The following COL16A1 variants were observed in gnomAD, a reference collection of about 807,000 sequenced individuals.
The protein encoded by COL16A1 is collagen type XVI alpha 1 chain, also known as collagen alpha-1(XVI) chain.
A neutral mutation model predicts 266.3 loss-of-function variants in COL16A1; 189 were observed. The observed-to-expected ratio is 0.71, with a 90% CI of 0.63 to 0.80. The LOEUF is 0.80. Ranked by LOEUF, COL16A1 falls within the 30% of genes least tolerant of loss-of-function variation. COL16A1 has a pLI of 0.00. For missense variants in COL16A1, 1,928 were observed against 2,122.4 expected, an observed-to-expected ratio of 0.91 and a Z score of 1.80; for synonymous variants, 740 against 782.3, an observed-to-expected ratio of 0.95 and a Z score of 0.90.
In COL16A1 at chr1:31,698,179, A is replaced by T; in HGVS notation, c.391-7T>A. The T allele has an allele frequency of 6.2e-7, 1 of 1,613,300 alleles. No individual in the cohort carries two copies. Among genetic ancestry groups the T allele is most frequent in the Non-Finnish European group, 8.5e-7 (1 of 1,179,774 alleles). On this transcript the variant is annotated splice_polypyrimidine_tract_variant and splice_region_variant and intron_variant, in intron 5 of 70. Coordinates refer to ENST00000373672, the MANE Select transcript of COL16A1 (RefSeq NM_001856.4). The surrounding 1 kb of genome is among the most constrained non-coding windows in gnomAD (Gnocchi z 4.1). ...TGTTGACTTCCAGGGATATCTGGGTAGAATTTGGAAAGGGAAAGGACAGAG... is the reference window on the plus strand; with the variant it reads ...TGTTGACTTCCAGGGATATCTGGGTTGAATTTGGAAAGGGAAAGGACAGAG...
intron 44 of COL16A1, chr1:31,673,104 G>C: frequency 1.9e-6 from 1 of 535,924 alleles, no homozygotes; most frequent in South Asian, 1.9e-5. Flanking sequence ...ACAGGCATGT[G>C]GGTGGAGGCG....
At position 31,661,779 on chromosome 1, in the gene COL16A1, C is replaced by G. The variant is rs369491109; in HGVS notation, c.3682-75G>C. The G allele has an allele frequency of 1.5e-5, 22 of 1,466,076 alleles. No individual in the cohort carries two copies. The East Asian group carries it at 3.5e-4, about 23-fold the overall frequency. 90.8% of individuals were successfully genotyped at this position (1,466,076 alleles called of 1,614,324 possible). A position where few individuals can be genotyped will look rare whatever the true frequency, so the allele number is the denominator to read the frequency against. On this transcript the variant is annotated intron_variant, in intron 58 of 70. Transcript: ENST00000373672. The stretch of plus-strand genomic sequence containing the variant: ...ATCCAACTCATACCTCTGTCCTCCC[C>G]TCTCTCCAGCCCTCCCCAGCTATCC...
rs200486905 is a variant in COL16A1 at position 31,665,209 on chromosome 1, A to C, written c.3518T>G (p.Val1173Gly). 4 of 1,598,914 alleles carry C rather than the reference A, an allele frequency of 2.5e-6. No individual in the cohort carries two copies. The highest frequency in any genetic ancestry group is 3.4e-6 in the Non-Finnish European group (4 of 1,176,098). Residue 1173 changes from valine to glycine, a missense_variant, in exon 56 of 71, where the codon GTT becomes GGT. Val to Gly is a moderately radical substitution (Grantham distance 109, BLOSUM62 -3). Coordinates refer to ENST00000373672, the MANE Select transcript of COL16A1 (RefSeq NM_001856.4). ...AGGGCCAGGTGGGCCAGGTGATCCA[A>C]CTTTGCCTGGGAATCCAGGGGGACC... The part of the protein sequence containing the change: ...PPGPPGFPGK[V>G]GSPGPPGPQA...
intron 62 of COL16A1, chr1:31,659,945 C>T (rs1641498236): frequency 1.5e-5 from 2 of 136,386 alleles, no homozygotes; most frequent in South Asian, 2.5e-4. Flanking sequence ...TGATGGGGGC[C>T]TGAGAGTTCT....
At chr1:31,660,342 A>G (rs10914462) in intron 62 of COL16A1, among the ~76,000 whole-genome samples, 69,047 of 152,070 alleles carry the variant, frequency 0.45, 15,900 homozygotes, top group East Asian at 0.69. Context: ...CTGGCATGGC[A>G]CAGGGGCTCC....
At position 31,679,674 on chromosome 1, in the gene COL16A1, A is replaced by G. The variant is rs774334713; in HGVS notation, c.2730T>C (p.Gly910=). Residue 910 remains glycine, a synonymous_variant, in exon 42 of 71, where the codon GGT becomes GGC. Coordinates refer to ENST00000373672, the MANE Select transcript of COL16A1 (RefSeq NM_001856.4). ...CAGGGGGGCCTGGTGGTCCGGGAAT[A>G]CCTGGTGGACCCTGAGGGAGAGAGA... ...SWQPGPQGPP[G]IPGPPGPPGV... The G allele has an allele frequency of 4.0e-5, 64 of 1,613,946 alleles. No homozygotes were observed. The East Asian group carries it at 6.9e-4, about 17-fold the overall frequency.
chr1:31,672,296 C>A, intron 47 of COL16A1, 120 bp downstream of exon 47: 1 of 1,104,720 alleles, frequency 9.1e-7, no homozygotes. Context: ...GCCAGGAGAG[C>A]AGATGAGCCC....
intron 22 of COL16A1, 114 bp from the exon 23 acceptor site, chr1:31,689,965 C>T: frequency 1.2e-6 from 1 of 833,522 alleles, no homozygotes; most frequent in South Asian, 1.6e-5. Context: ...GCCCCACCCC[C>T]AACATCAAAG....
rs1643946693 is a variant in COL16A1 at position 31,685,865 on chromosome 1, G to C, written c.1885-95C>G. The C allele has an allele frequency of 6.4e-7, 1 of 1,567,848 alleles. No individual in the cohort carries two copies. On this transcript the variant is annotated intron_variant, in intron 28 of 70. Transcript: ENST00000373672. The surrounding 1 kb of genome is among the most constrained non-coding windows in gnomAD (Gnocchi z 4.0). ...AGGGCTGGGGAATGTCACTGGGTCTGACACTGCACCTCTGCTGGGTGAGGG... is the reference window on the plus strand; with the variant it reads ...AGGGCTGGGGAATGTCACTGGGTCTCACACTGCACCTCTGCTGGGTGAGGG...
Position 31,684,505 on chromosome 1 carries a change from C to A in COL16A1, c.2160+18G>T. On this transcript the variant is annotated intron_variant, in intron 31 of 70. Coordinates refer to ENST00000373672, the MANE Select transcript of COL16A1 (RefSeq NM_001856.4). ...TATGCAACAAACTCCCCGACCCCAA[C>A]CACCCCGCCTGACTAACCTTTTCTC... The A allele has an allele frequency of 6.2e-7, 1 of 1,603,822 alleles. No individual in the cohort carries two copies. The highest frequency in any genetic ancestry group is 8.5e-7 in the Non-Finnish European group (1 of 1,175,232).
intron 29 of COL16A1, 139 bp from the exon 30 acceptor site, chr1:31,684,995 A>C: frequency 1.3e-6 from 2 of 1,529,072 alleles, no homozygotes; most frequent in Admixed American, 1.8e-5. Context: ...AATCTTGCCC[A>C]GGTGCAGAGC....
chr1:31,696,995 A>G lies in COL16A1; in HGVS notation c.832T>C (p.Cys278Arg), dbSNP rs756697532. The G allele has an allele frequency of 2.5e-6, 4 of 1,614,152 alleles. No individual in the cohort carries two copies. The highest frequency in any genetic ancestry group is 3.4e-6 in the Non-Finnish European group (4 of 1,180,016). Residue 278 changes from cysteine to arginine, a missense_variant, in exon 8 of 71, where the codon TGC becomes CGC. This residue lies in a region of COL16A1 where 1,552 missense variants were observed against 1,637.2 expected (regional missense o/e 0.95). Coordinates refer to ENST00000373672, the MANE Select transcript of COL16A1 (RefSeq NM_001856.4). ...TTTTGAGGCTCCTCCAGGCAGAAGCAGCGGGTGTAGACCTTGCCTTCAGAC... is the reference window on the plus strand; with the variant it reads ...TTTTGAGGCTCCTCCAGGCAGAAGCGGCGGGTGTAGACCTTGCCTTCAGAC... ...PQSEGKVYTR[C>R]FCLEEPQNSE...
At chr1:31,678,521 T>C (rs1643370488) in intron 42 of COL16A1, among the ~76,000 whole-genome samples, 1 of 152,214 alleles carries the variant, frequency 6.6e-6, no homozygotes, top group African/African-American at 2.4e-5. Flanking sequence ...CCTCAGCTTG[T>C]CCAGCTGTGA....
chr1:31,661,700 T>A lies in COL16A1; in HGVS notation c.3686A>T (p.Asp1229Val). 6.3e-7 allele frequency: 1 copy of A among 1,599,316 alleles called. No homozygotes were observed. Among genetic ancestry groups the A allele is most frequent in the Non-Finnish European group, 8.5e-7 (1 of 1,176,114 alleles). ...GKDGKPGLRG[D>V]PGPAGPPGLM... ...TCCAGGGGGGCCAGCAGGACCAGGG[T>A]CCCCCTAGGGAAAGAGACGAGGAGG... is the stretch of plus-strand genomic sequence containing the variant. The change falls in exon 59 of 71, where the codon GAC becomes GTC. Residue 1229 changes from aspartate to valine, a missense_variant. Physicochemically the swap from Asp to Val is radical, Grantham distance 152. This residue lies in a region of COL16A1 where 1,552 missense variants were observed against 1,637.2 expected (regional missense o/e 0.95). Coordinates refer to ENST00000373672, the MANE Select transcript of COL16A1 (RefSeq NM_001856.4).
chr1:31,668,377 T>TC lies in COL16A1; in HGVS notation c.3250-160dup, dbSNP rs1245990002. 2.0e-5 allele frequency among the ~76,000 whole-genome samples: 3 copies of TC among 151,884 alleles called. No homozygotes were observed. Among genetic ancestry groups the TC allele is most frequent in the Non-Finnish European group, 2.9e-5 (2 of 67,968 alleles). ...CTGGGCCATCTCCCCAAGCCCCAGG[T>TC]CCCCTCGGTCGTGACCACCACCACA... On this transcript the variant is annotated intron_variant, in intron 50 of 70. Coordinates refer to ENST00000373672, the MANE Select transcript of COL16A1 (RefSeq NM_001856.4). This position sits in a 1 kb window ranked among gnomAD's most constrained non-coding sequence, Gnocchi z 5.8.
At chr1:31,691,952 A>G in intron 17 of COL16A1, 53 bp downstream of exon 17, 1 of 1,612,526 alleles carries the variant, frequency 6.2e-7, no homozygotes, top group Admixed American at 1.7e-5. Flanking sequence ...AAATCCCAGC[A>G]TTCTCAGACC....
At chr1:31,672,298 G>C in intron 47 of COL16A1, 118 bp downstream of exon 47, 6 of 1,148,004 alleles carry the variant, frequency 5.2e-6, no homozygotes, top group Non-Finnish European at 7.5e-6. Context: ...CAGGAGAGCA[G>C]ATGAGCCCAG....
Position 31,662,668 on chromosome 1 carries a change from A to AGGGGGGG in COL16A1, c.3556-11_3556-10insCCCCCCC. 7.1e-7 allele frequency: 1 copy of AGGGGGGG among 1,407,798 alleles called. No homozygotes were observed. The highest frequency in any genetic ancestry group is 9.7e-7 in the Non-Finnish European group (1 of 1,035,190). 87.2% of individuals were successfully genotyped at this position (1,407,798 alleles called of 1,614,324 possible). A position where few individuals can be genotyped will look rare whatever the true frequency, so the allele number is the denominator to read the frequency against. ...GAATCCCTTCGCTGCCCTGGAAACC[A>AGGGGGGG]GCGCCGCCCCCCCCCCCCGCCCCAC... is the stretch of plus-strand genomic sequence containing the variant. On this transcript the variant is annotated splice_polypyrimidine_tract_variant and intron_variant, in intron 56 of 70. Transcript: ENST00000373672.
chr1:31,679,804 C>A lies in COL16A1; in HGVS notation c.2718G>T (p.Gln906His). The change falls in exon 41 of 71, where the codon CAG becomes CAT. Residue 906 changes from glutamine (Q) to histidine (H), a missense_variant and splice_region_variant. Transcript: ENST00000373672. ...GGACAAGAGGAGACAAGCGACACAC[C>A]TGCGGGCCCGGCTGCCAGGAGCTGC... The part of the protein sequence containing the change: ...WMGSSWQPGP[Q>H]GPPGIPGPPG... 6.4e-7 allele frequency: 1 copy of A among 1,562,196 alleles called. No homozygotes were observed. The highest frequency in any genetic ancestry group is 2.3e-5 in the East Asian group (1 of 44,118).
Sources: gnomAD v4.1 joint callset for allele counts (sites outside exome capture counted in the v4.1 genomes callset) on GRCh38, gnomAD v4.1.1 for gene constraint, gnomAD v4.1.1 regional missense constraint, Gnocchi (gnomAD v3.1) non-coding constraint, MANE v1.5 for transcripts, NCBI Gene and HGNC (gene_info 2026-07-23, HGNC 2026-07-21) for gene names.